Variants in SNTG1 observed in about 807,000 individuals in gnomAD.
SNTG1 encodes gamma-1-syntrophin.
In SNTG1, 39 loss-of-function variants were observed where a neutral mutation model predicts 74.7. The observed-to-expected ratio is 0.52, with a 90% CI of 0.40 to 0.68. The LOEUF is 0.68. Ranked by LOEUF, SNTG1 falls within the 30% of genes least tolerant of loss-of-function variation. The pLI is 0.00. For synonymous variants in SNTG1, 254 were observed against 217.1 expected, an observed-to-expected ratio of 1.17 and a Z score of -1.49; for missense variants, 685 against 609.5, an observed-to-expected ratio of 1.12 and a Z score of -1.30.
intron 15 of SNTG1, among the ~76,000 whole-genome samples, chr8:50,658,902 G>A (rs901232385): frequency 5.3e-5 from 8 of 152,190 alleles, no homozygotes; most frequent in African/African-American, 1.7e-4. Context: ...CAGTCCCACC[G>A]TGGGTGAGGG....
At chr8:50,755,215 T>C (rs1047631334) in intron 18 of SNTG1, among the ~76,000 whole-genome samples, 7 of 151,858 alleles carry the variant, frequency 4.6e-5, no homozygotes, top group Non-Finnish European at 1.5e-5. Flanking sequence ...TATAGTATCA[T>C]AGTCGTTTCA....
intron 4 of SNTG1, among the ~76,000 whole-genome samples, chr8:50,414,243 T>C (rs2131412934): frequency 6.6e-6 from 1 of 152,306 alleles, no homozygotes; most frequent in South Asian, 2.1e-4. Context: ...GCAACCCAGA[T>C]ATTCTTTAAA....
chr8:50,268,592 G>A (rs892881664), intron 2 of SNTG1, among the ~76,000 whole-genome samples: 1 of 151,836 alleles, frequency 6.6e-6, no homozygotes, highest in African/African-American at 2.4e-5. Context: ...GAGATACACA[G>A]ATCAATGGAA....
chr8:50,769,504 A>G (rs1215148440), intron 18 of SNTG1, among the ~76,000 whole-genome samples: 1 of 152,092 alleles, frequency 6.6e-6, no homozygotes, highest in Non-Finnish European at 1.5e-5. Context: ...ATTGTAACAA[A>G]AAAACACCAT....
intron 15 of SNTG1, among the ~76,000 whole-genome samples, chr8:50,692,269 C>A (rs1271830484): frequency 6.6e-6 from 1 of 152,180 alleles, no homozygotes; most frequent in Non-Finnish European, 1.5e-5. Context: ...ATTCTCCATC[C>A]AACTTTGTTC....
chr8:50,405,253 T>C (rs1274889363), intron 4 of SNTG1, among the ~76,000 whole-genome samples: 1 of 152,094 alleles, frequency 6.6e-6, no homozygotes, highest in African/African-American at 2.4e-5. Context: ...TTGTACCATT[T>C]TCCATTTCAA....
chr8:50,027,242 G>A (rs1414516885), intron 1 of SNTG1, among the ~76,000 whole-genome samples: 3 of 152,114 alleles, frequency 2.0e-5, no homozygotes, highest in Admixed American at 6.6e-5. Flanking sequence ...TGCTCTCTAT[G>A]CCTCACTGTT....
intron 11 of SNTG1, among the ~76,000 whole-genome samples, chr8:50,539,527 A>G (rs2094331401): frequency 6.6e-6 from 1 of 152,146 alleles, no homozygotes; most frequent in Non-Finnish European, 1.5e-5. Flanking sequence ...GGTGAGGGCA[A>G]CTAGCTCCAC....
At chr8:50,464,233 T>C (rs1381302335) in intron 8 of SNTG1, among the ~76,000 whole-genome samples, 4 of 152,182 alleles carry the variant, frequency 2.6e-5, no homozygotes, top group African/African-American at 4.8e-5. Context: ...TTCACTTGAG[T>C]AGCACTTATA....
At chr8:50,744,790 A>C (rs1373470135) in intron 17 of SNTG1, among the ~76,000 whole-genome samples, 1 of 152,026 alleles carries the variant, frequency 6.6e-6, no homozygotes, top group Admixed American at 6.6e-5. Context: ...AGACCATCCA[A>C]TGAGGAAAGA....
At chr8:50,590,832 T>TACC in intron 12 of SNTG1, 47 bp from the exon 13 acceptor site, 1 of 1,282,804 alleles carries the variant, frequency 7.8e-7, no homozygotes, top group Non-Finnish European at 1.1e-6. Context: ...GACCTTGTGT[T>TACC]ACCATCTATT....
chr8:50,267,030 C>A (rs1450908921), intron 2 of SNTG1, among the ~76,000 whole-genome samples: 1 of 151,812 alleles, frequency 6.6e-6, no homozygotes, highest in Non-Finnish European at 1.5e-5. Flanking sequence ...GATTTTCATT[C>A]TGCTATCCTT....
intron 2 of SNTG1, among the ~76,000 whole-genome samples, chr8:50,254,198 A>G (rs1039497231): frequency 3.3e-5 from 5 of 152,208 alleles, no homozygotes; most frequent in Admixed American, 6.5e-5. Context: ...CAATAAATTT[A>G]AAATAAATGC....
At chr8:50,205,304 A>G (rs1421647228) in intron 2 of SNTG1, among the ~76,000 whole-genome samples, 1 of 152,108 alleles carries the variant, frequency 6.6e-6, no homozygotes, top group Non-Finnish European at 1.5e-5. Flanking sequence ...TTTGATCTGC[A>G]TTTCTCTGAT....
chr8:50,340,275 A>G (rs2091280492), intron 2 of SNTG1, among the ~76,000 whole-genome samples: 2 of 152,050 alleles, frequency 1.3e-5, no homozygotes, highest in African/African-American at 4.8e-5. Context: ...ATAGTGAAGA[A>G]GAGCAAAACA....
At chr8:50,541,242 C>CGTGTGTGTGTGTGTGT (rs1355277110) in intron 11 of SNTG1, among the ~76,000 whole-genome samples, 1 of 106,356 alleles carries the variant, frequency 9.4e-6, no homozygotes, top group African/African-American at 5.9e-5. Flanking sequence ...TAAGATTTTA[C>CGTGTGTGTGTGTGTGT]CTGTGTGTGT....
intron 1 of SNTG1, among the ~76,000 whole-genome samples, chr8:50,007,589 G>A (rs886852386): frequency 2.6e-5 from 4 of 152,160 alleles, no homozygotes; most frequent in Non-Finnish European, 4.4e-5. Context: ...ACCATATAAT[G>A]TAGTTGTATG....
chr8:50,794,153 C>T lies in SNTG1; in HGVS notation c.*1324C>T, dbSNP rs1200163034. On this transcript the variant is annotated 3_prime_UTR_variant, in exon 19 of 19. Transcript: ENST00000642720. Reference sequence around the variant, plus strand: ...AAAAAAATTTTTATTGATACACATGCTCCCAGGTAAACCAAGTATTATGTG... The same window carrying T: ...AAAAAAATTTTTATTGATACACATGTTCCCAGGTAAACCAAGTATTATGTG... 2 of 151,260 alleles carry T rather than the reference C, an allele frequency of 1.3e-5. No homozygotes were observed. The highest frequency in any genetic ancestry group is 3.9e-4 in the East Asian group (2 of 5,166). 9.4% of individuals were successfully genotyped at this position (151,260 alleles called of 1,614,324 possible).
intron 15 of SNTG1, among the ~76,000 whole-genome samples, chr8:50,696,114 T>G (rs1481921069): frequency 6.6e-6 from 1 of 152,018 alleles, no homozygotes; most frequent in Non-Finnish European, 1.5e-5. Context: ...TTTCTCTATA[T>G]CTTCACCAAA....
Sources: allele counts gnomAD v4.1 joint callset (sites outside exome capture counted in the v4.1 genomes callset), GRCh38; gene constraint gnomAD v4.1.1; transcripts MANE v1.5; gene names NCBI Gene and HGNC (gene_info 2026-07-23, HGNC 2026-07-21).